Variants in HNF1B observed in about 807,000 individuals in gnomAD.
HNF1B encodes HNF1 homeobox B.
Under a neutral mutation model 61.7 loss-of-function variants are expected in HNF1B, and 8 were observed. That is an observed-to-expected ratio of 0.13 (90% CI 0.08 to 0.23). The LOEUF is 0.23. Ranked by LOEUF, HNF1B falls within the 10% of genes least tolerant of loss-of-function variation. The pLI is 1.00. For missense variants in HNF1B, 562 were observed against 714.5 expected, an observed-to-expected ratio of 0.79 and a Z score of 2.43; for synonymous variants, 314 against 287.7, an observed-to-expected ratio of 1.09 and a Z score of -0.93.
chr17:37,692,287 C>T (rs1359046542), intron 8 of HNF1B, among the ~76,000 whole-genome samples: 1 of 152,220 alleles, frequency 6.6e-6, no homozygotes, highest in Non-Finnish European at 1.5e-5. Context: ...AAGTACAAAT[C>T]CTGGCTTTAG....
At chr17:37,740,582 A>G (rs1246135624) in intron 1 of HNF1B, among the ~76,000 whole-genome samples, 1 of 151,982 alleles carries the variant, frequency 6.6e-6, no homozygotes, top group Non-Finnish European at 1.5e-5. Context: ...CCAAAATACA[A>G]TGTTGTATCT....
At chr17:37,738,569 T>C (rs945631092) in intron 2 of HNF1B, among the ~76,000 whole-genome samples, 2 of 152,156 alleles carry the variant, frequency 1.3e-5, no homozygotes, top group African/African-American at 4.8e-5. Flanking sequence ...AGGAAAAGGA[T>C]TGGATCAAAG....
intron 4 of HNF1B, chr17:37,731,202 T>A: frequency 3.1e-6 from 1 of 321,342 alleles, no homozygotes. Context: ...GTGGCCGGAG[T>A]GCCATCCTCC....
chr17:37,743,128 G>A (rs547615823), intron 1 of HNF1B, among the ~76,000 whole-genome samples: 2 of 152,196 alleles, frequency 1.3e-5, no homozygotes, highest in African/African-American at 4.8e-5. Context: ...TCCTTCCAGC[G>A]CCGCGCTAGA....
At chr17:37,735,481 G>C (rs2033807229) in intron 2 of HNF1B, among the ~76,000 whole-genome samples, 2 of 152,220 alleles carry the variant, frequency 1.3e-5, no homozygotes, top group Non-Finnish European at 2.9e-5. Flanking sequence ...CTTTGATTTC[G>C]GCCCATTCAC....
At chr17:37,724,936 G>A (rs58188163) in intron 4 of HNF1B, among the ~76,000 whole-genome samples, 11,506 of 71,842 alleles carry the variant, frequency 0.16, 1,360 homozygotes, top group African/African-American at 0.47. Flanking sequence ...GTGTGTGTGT[G>A]TATATATATA....
At chr17:37,688,380 A>AACAC (rs5820230) in intron 8 of HNF1B, among the ~76,000 whole-genome samples, 11,054 of 136,000 alleles carry the variant, frequency 0.081, 573 homozygotes, top group African/African-American at 0.14. Context: ...GATCCCCCCA[A>AACAC]ACACACACAC....
chr17:37,742,466 CGTG>C (rs919893616), intron 1 of HNF1B, among the ~76,000 whole-genome samples: 30 of 152,172 alleles, frequency 2.0e-4, no homozygotes, highest in African/African-American at 7.0e-4. Flanking sequence ...GAAGGGAGTG[CGTG>C]TGCCCGAGGC....
chr17:37,699,204 CAG>C lies in HNF1B; in HGVS notation c.1535-12_1535-11del, dbSNP rs2032483296. 3 of 1,602,786 alleles carry C rather than the reference CAG, an allele frequency of 1.9e-6. No homozygotes were observed. Among genetic ancestry groups the C allele is most frequent in the African/African-American group, 1.3e-5 (1 of 74,698 alleles). ...TGCTTGTGTGCGTACACTGGAGAGA[CAG>C]AGTGAAGACAGAATCAAGGTGCATA... On this transcript the variant is annotated splice_polypyrimidine_tract_variant and intron_variant, in intron 7 of 8. Transcript: ENST00000617811.
intron 8 of HNF1B, among the ~76,000 whole-genome samples, chr17:37,698,030 G>A (rs2032442139): frequency 1.4e-5 from 2 of 141,454 alleles, no homozygotes; most frequent in Admixed American, 7.4e-5. Flanking sequence ...CTCTAGGGCT[G>A]GAAGGAGATC....
intron 4 of HNF1B, chr17:37,730,582 G>A (rs999841538): frequency 1.3e-5 from 2 of 152,282 alleles, no homozygotes; most frequent in Admixed American, 1.3e-4. Context: ...GGTGGCTTTG[G>A]TCCCCTCAAC....
At chr17:37,740,930 T>G (rs1458738810) in intron 1 of HNF1B, among the ~76,000 whole-genome samples, 1 of 152,178 alleles carries the variant, frequency 6.6e-6, no homozygotes, top group Non-Finnish European at 1.5e-5. Flanking sequence ...AGAGATATAA[T>G]TTAAAACTAG....
intron 8 of HNF1B, among the ~76,000 whole-genome samples, chr17:37,688,860 C>A (rs1047668165): frequency 1.3e-5 from 2 of 152,146 alleles, no homozygotes; most frequent in African/African-American, 4.8e-5. Context: ...AAGAGTGGGG[C>A]TGAAGGCCTG....
At chr17:37,727,934 TTGGGGTTGC>T (rs1321367745) in intron 4 of HNF1B, among the ~76,000 whole-genome samples, 1 of 151,720 alleles carries the variant, frequency 6.6e-6, no homozygotes, top group African/African-American at 2.4e-5. Context: ...AGCTCAGTCT[TTGGGGTTGC>T]TAGTGCTGAC....
chr17:37,744,196 C>T (rs1406868965), intron 1 of HNF1B, among the ~76,000 whole-genome samples: 1 of 152,248 alleles, frequency 6.6e-6, no homozygotes, highest in African/African-American at 2.4e-5. Context: ...GAAGTCGCAG[C>T]GGTTTCACTG....
chr17:37,692,180 G>A (rs368305304), intron 8 of HNF1B, among the ~76,000 whole-genome samples: 3 of 145,884 alleles, frequency 2.1e-5, no homozygotes, highest in Non-Finnish European at 1.5e-5. Flanking sequence ...GATTCTTGGC[G>A]CGAGAAGTCC....
intron 8 of HNF1B, among the ~76,000 whole-genome samples, chr17:37,697,277 T>A (rs1200548930): frequency 6.6e-6 from 1 of 152,216 alleles, no homozygotes; most frequent in African/African-American, 2.4e-5. Context: ...AGTGTAATAA[T>A]CATCCTCATC....
At chr17:37,712,973 A>G (rs1254095055) in intron 4 of HNF1B, among the ~76,000 whole-genome samples, 1 of 152,178 alleles carries the variant, frequency 6.6e-6, no homozygotes, top group Admixed American at 6.5e-5. Context: ...TCCGTAGAGA[A>G]CAGTTTCCAA....
At chr17:37,741,687 C>T (rs1428324986) in intron 1 of HNF1B, among the ~76,000 whole-genome samples, 1 of 152,160 alleles carries the variant, frequency 6.6e-6, no homozygotes, top group African/African-American at 2.4e-5. Flanking sequence ...GTGAATATTG[C>T]TTTAGCAAAT....
Sources: gnomAD v4.1 joint callset for allele counts (sites outside exome capture counted in the v4.1 genomes callset) on GRCh38, gnomAD v4.1.1 for gene constraint, MANE v1.5 for transcripts, NCBI Gene and HGNC (gene_info 2026-07-23, HGNC 2026-07-21) for gene names.